MUC21: variants seen among roughly 807,000 people sequenced by gnomAD.
MUC21 encodes the protein mucin-21.
In MUC21, 8 loss-of-function variants were observed where a neutral mutation model predicts 9.1. That is an observed-to-expected ratio of 0.88 (90% CI 0.52 to 1.59). The LOEUF is 1.59. Among genes scored for constraint, MUC21 ranks in the 40% most tolerant of loss-of-function variants. The probability of loss-of-function intolerance (pLI) is 0.00; values close to 1 mark genes in which losing one functional copy is unlikely to be tolerated. For missense variants in MUC21, 478 were observed against 694.2 expected (o/e 0.69, Z 3.50); for synonymous variants, 189 against 275.2 (o/e 0.69, Z 3.10).
Position 30,986,452 on chromosome 6 carries a change from T to A in MUC21, c.277T>A (p.Ser93Thr), listed in dbSNP as rs2150685474. ...CAGTGGGATCAGCACAGCCACCAAC[T>A]CTGAGTTCAGCACAGTGTCCAGTGG... is the stretch of plus-strand genomic sequence containing the variant. ...TSSGISTATN[S>T]EFSTVSSGIS... The change falls in exon 2 of 3, where the codon TCT becomes ACT. Residue 93 changes from serine (S) to threonine (T), a missense_variant. Around this residue, in one of 5 missense-constraint regions of MUC21, gnomAD observed 110 missense variants for 108.3 expected, o/e 1.02. Coordinates refer to ENST00000376296, the MANE Select transcript of MUC21 (RefSeq NM_001010909.5). 6.3e-7 allele frequency: 1 copy of A among 1,596,782 alleles called. No individual in the cohort carries two copies. Among genetic ancestry groups the A allele is most frequent in the East Asian group, 2.3e-5 (1 of 44,256 alleles).
intron 2 of MUC21, 78 bp from the exon 3 acceptor site, chr6:30,987,922 A>C (rs1473389488): frequency 1.0e-6 from 1 of 989,284 alleles, no homozygotes; most frequent in African/African-American, 1.6e-5. Flanking sequence ...AAGTGGGAGA[A>C]GATTCCAGAA....
intron 1 of MUC21, among the ~76,000 whole-genome samples, chr6:30,985,601 T>G (rs902963809): frequency 1.3e-5 from 2 of 152,250 alleles, no homozygotes; most frequent in African/African-American, 4.8e-5. Flanking sequence ...CTGTATTGTA[T>G]CTTGCATAGC....
rs1762485328 is a variant in MUC21 at position 30,988,487 on chromosome 6, A to C, written c.*293A>C. The stretch of plus-strand genomic sequence containing the variant: ...CTGAGATGAACTCAGTTATAGGAGA[A>C]AACCTCCATGCTGGACTCCATCTGG... On this transcript the variant is annotated 3_prime_UTR_variant, in exon 3 of 3. Transcript: ENST00000376296. 1 of 368,398 alleles carries C rather than the reference A, an allele frequency of 2.7e-6. No individual in the cohort carries two copies. Among genetic ancestry groups the C allele is most frequent in the Admixed American group, 4.5e-5 (1 of 22,242 alleles). 22.8% of individuals were successfully genotyped at this position (368,398 alleles called of 1,614,324 possible).
Position 30,988,114 on chromosome 6 carries a change from AG to A in MUC21, c.1623del (p.Arg541SerfsTer15), listed in dbSNP as rs896790057. Reference sequence around the variant, plus strand: ...GAATCATGGAGCCCCCCACAGGCCCAGGTGGAGTCCTAACTGGTTCTGGAGG... The same window carrying A: ...GAATCATGGAGCCCCCCACAGGCCCAGTGGAGTCCTAACTGGTTCTGGAGG... ...GGNHGAPHRP[R>X]WSPNWFWRRP... On this transcript the variant is annotated frameshift_variant, in exon 3 of 3. Coordinates refer to ENST00000376296, the MANE Select transcript of MUC21 (RefSeq NM_001010909.5). LOFTEE classifies it low-confidence loss of function (END_TRUNC). 2 of 1,612,834 alleles carry A rather than the reference AG, an allele frequency of 1.2e-6. No individual in the cohort carries two copies. The highest frequency in any genetic ancestry group is 1.7e-6 in the Non-Finnish European group (2 of 1,179,990).
chr6:30,988,106 A>T lies in MUC21; in HGVS notation c.1613A>T (p.His538Leu). 6.2e-7 allele frequency: 1 copy of T among 1,612,800 alleles called. No homozygotes were observed. The highest frequency in any genetic ancestry group is 8.5e-7 in the Non-Finnish European group (1 of 1,179,850). ...CCTGGAGGGAATCATGGAGCCCCCC[A>T]CAGGCCCAGGTGGAGTCCTAACTGG... Reference protein sequence around the residue: ...PGPGGNHGAPHRPRWSPNWFW... With the variant: ...PGPGGNHGAPLRPRWSPNWFW... Residue 538 changes from histidine (H) to leucine (L), a missense_variant, in exon 3 of 3, where the codon CAC (histidine) becomes CTC (leucine). His to Leu is a moderately conservative substitution (Grantham distance 99, BLOSUM62 -3). Transcript: ENST00000376296.
rs200722869 is a variant in MUC21 at position 30,986,350 on chromosome 6, A to T, written c.175A>T (p.Thr59Ser). 43 of 1,612,014 alleles carry T rather than the reference A, an allele frequency of 2.7e-5. No individual in the cohort carries two copies. The highest frequency in any genetic ancestry group is 3.6e-5 in the Non-Finnish European group (42 of 1,178,968). ...GSSVTSSGVS[T>S]ATISGSSVTS... ...CAGTGTGACCTCCAGTGGGGTCAGC[A>T]CAGCCACCATCTCAGGGTCCAGCGT... The change falls in exon 2 of 3, where the codon ACA (threonine) becomes TCA (serine). Residue 59 changes from threonine to serine, a missense_variant. Around this residue, in one of 5 missense-constraint regions of MUC21, gnomAD observed 110 missense variants for 108.3 expected, o/e 1.02. Coordinates refer to ENST00000376296, the MANE Select transcript of MUC21 (RefSeq NM_001010909.5).
intron 1 of MUC21, chr6:30,984,220 T>C (rs534928038): frequency 3.1e-4 from 164 of 522,320 alleles, no homozygotes; most frequent in Non-Finnish European, 5.3e-4. Flanking sequence ...GGTCTCACAT[T>C]GCCTACATTT....
rs1430467763 is a variant in MUC21, at chr6:30,987,494, C to T, written c.1319C>T (p.Ser440Phe). 1.2e-6 allele frequency: 2 copies of T among 1,614,276 alleles called. No individual in the cohort carries two copies. The highest frequency in any genetic ancestry group is 1.7e-6 in the Non-Finnish European group (2 of 1,180,042). ...GCCAACACAGCCACCAACTCTGGGT[C>T]CAGTGTGACCTCTGCAGGCTCTGGA... ...SGANTATNSG[S>F]SVTSAGSGTA... Residue 440 changes from serine (S) to phenylalanine (F), a missense_variant, in exon 2 of 3, where the codon TCC becomes TTC. This residue lies in a region of MUC21 where 158 missense variants were observed against 192.6 expected (regional missense o/e 0.82). Coordinates refer to ENST00000376296, the MANE Select transcript of MUC21 (RefSeq NM_001010909.5).
At position 30,986,747 on chromosome 6, in the gene MUC21, G is replaced by A; in HGVS notation, c.572G>A (p.Arg191Lys). The change falls in exon 2 of 3, where the codon AGG (arginine) becomes AAG (lysine). Residue 191 changes from arginine (R) to lysine (K), a missense_variant. This residue lies in a region of MUC21 where 53 missense variants were observed against 139.1 expected (regional missense o/e 0.38). Transcript: ENST00000376296. The part of the protein sequence containing the change: ...TNSESSTVSS[R>K]ASTATNSESS... ...TCTGAGTCCAGCACAGTGTCCAGTAGGGCCAGCACTGCCACCAACTCTGAG... is the reference window on the plus strand; with the variant it reads ...TCTGAGTCCAGCACAGTGTCCAGTAAGGCCAGCACTGCCACCAACTCTGAG... 6.3e-7 allele frequency: 1 copy of A among 1,578,914 alleles called. No homozygotes were observed. The highest frequency in any genetic ancestry group is 8.6e-7 in the Non-Finnish European group (1 of 1,159,444).
rs140567533 is a variant in MUC21, at chr6:30,987,648, C to T, written c.1473C>T (p.Ala491=). ...FLITLVSVVA[A]VGLFAGLFFC... The stretch of plus-strand genomic sequence containing the variant: ...TCACCCTGGTCTCGGTTGTGGCGGC[C>T]GTGGGGCTCTTTGCTGGGCTCTTCT... The change falls in exon 2 of 3, where the codon GCC becomes GCT. Residue 491 remains alanine (A), a synonymous_variant. Transcript: ENST00000376296. 20 of 1,613,870 alleles carry T rather than the reference C, an allele frequency of 1.2e-5. No individual in the cohort carries two copies. The highest frequency in any genetic ancestry group is 1.6e-4 in the Middle Eastern group (1 of 6,080).
In MUC21 at chr6:30,986,338, A is replaced by G; in HGVS notation, c.163A>G (p.Ser55Gly). The G allele has an allele frequency of 6.2e-7, 1 of 1,613,138 alleles. No individual in the cohort carries two copies. The highest frequency in any genetic ancestry group is 1.1e-5 in the South Asian group (1 of 90,996). Residue 55 changes from serine to glycine, a missense_variant, in exon 2 of 3, where the codon AGT (serine) becomes GGT (glycine). This residue lies in a region of MUC21 where 110 missense variants were observed against 108.3 expected (regional missense o/e 1.02). Transcript: ENST00000376296. ...ATNSGSSVTSSGVSTATISGS... is the reference protein window; with the variant it reads ...ATNSGSSVTSGGVSTATISGS... ...CAACTCTGGGTCCAGTGTGACCTCC[A>G]GTGGGGTCAGCACAGCCACCATCTC...
At position 30,987,453 on chromosome 6, in the gene MUC21, C is replaced by G. The variant is rs551900553; in HGVS notation, c.1278C>G (p.Ser426Arg). 1.2e-6 allele frequency: 2 copies of G among 1,608,544 alleles called. No individual in the cohort carries two copies. Among genetic ancestry groups the G allele is most frequent in the East Asian group, 4.5e-5 (2 of 44,434 alleles). ...GCACTGCCACCAATTCTGAGTCCAGCACAACCTCCAGTGGGGCCAACACAG... is the reference window on the plus strand; with the variant it reads ...GCACTGCCACCAATTCTGAGTCCAGGACAACCTCCAGTGGGGCCAACACAG... ...GASTATNSES[S>R]TTSSGANTAT... The change falls in exon 2 of 3, where the codon AGC (serine) becomes AGG (arginine). Residue 426 changes from serine to arginine, a missense_variant. Physicochemically the swap from Ser to Arg is moderately radical, Grantham distance 110. This residue lies in a region of MUC21 where 158 missense variants were observed against 192.6 expected (regional missense o/e 0.82). Coordinates refer to ENST00000376296, the MANE Select transcript of MUC21 (RefSeq NM_001010909.5).
At position 30,987,258 on chromosome 6, in the gene MUC21, C is replaced by T; in HGVS notation, c.1083C>T (p.Thr361=). ...CCTCCAGTGGGGCCAGCACAGCCAC[C>T]AACTCTGGGTCCAGCACGACCTCCA... ...STTSSGASTA[T]NSGSSTTSSG... The change falls in exon 2 of 3, where the codon ACC becomes ACT. Residue 361 remains threonine, a synonymous_variant. Coordinates refer to ENST00000376296, the MANE Select transcript of MUC21 (RefSeq NM_001010909.5). 11 of 1,575,336 alleles carry T rather than the reference C, an allele frequency of 7.0e-6. No homozygotes were observed. Among genetic ancestry groups the T allele is most frequent in the Non-Finnish European group, 9.5e-6 (11 of 1,154,238 alleles).
rs775146195 is a variant in MUC21 at position 30,987,057 on chromosome 6, C to T, written c.882C>T (p.Ser294=). 6.2e-6 allele frequency: 10 copies of T among 1,605,140 alleles called. No homozygotes were observed. Reference sequence around the variant, plus strand: ...CCAATTCTGAGTCCAGCACACCCTCCAGTGGGGCCAACACAGCCACCAACT... The same window carrying T: ...CCAATTCTGAGTCCAGCACACCCTCTAGTGGGGCCAACACAGCCACCAACT... ...TVTNSESSTP[S]SGANTATNSE... is the part of the protein sequence containing the mutation. Residue 294 remains serine, a synonymous_variant, in exon 2 of 3, where the codon TCC becomes TCT. Coordinates refer to ENST00000376296, the MANE Select transcript of MUC21 (RefSeq NM_001010909.5).
intron 1 of MUC21, among the ~76,000 whole-genome samples, chr6:30,984,996 C>CAACAA (rs1554283959): frequency 7.0e-6 from 1 of 142,814 alleles, no homozygotes; most frequent in Non-Finnish European, 1.5e-5. Flanking sequence ...AATAAATAAG[C>CAACAA]AATAAAATAA....
At chr6:30,986,084 C>G (rs1762231345) in intron 1 of MUC21, 153 bp from the exon 2 acceptor site, 2 of 787,450 alleles carry the variant, frequency 2.5e-6, no homozygotes, top group South Asian at 1.9e-5. Context: ...CATTTTGAAG[C>G]CTCAATTTCT....
intron 2 of MUC21, 121 bp from the exon 3 acceptor site, chr6:30,987,879 G>A: frequency 1.8e-6 from 2 of 1,089,162 alleles, no homozygotes; most frequent in Non-Finnish European, 2.7e-6. Flanking sequence ...GAAAGGACTG[G>A]AGAAAGGAGA....
chr6:30,984,024 G>A lies in MUC21; in HGVS notation c.61+5G>A, dbSNP rs771022051. ...TACTATTGCATTTAGAAGCTGGTGA[G>A]TGATTTTATTTAAAATCGGGTGGTC... On this transcript the variant is annotated splice_donor_5th_base_variant and intron_variant, in intron 1 of 2. Coordinates refer to ENST00000376296, the MANE Select transcript of MUC21 (RefSeq NM_001010909.5). 7 of 779,670 alleles carry A rather than the reference G, an allele frequency of 9.0e-6. No homozygotes were observed. In the South Asian group the frequency reaches 9.4e-5, roughly 10 times the overall value. The allele number at this position is 779,670 out of a possible 1,614,324, so 48.3% of individuals were successfully genotyped here.
At chr6:30,985,785 A>AT (rs895220421) in intron 1 of MUC21, among the ~76,000 whole-genome samples, 3 of 151,746 alleles carry the variant, frequency 2.0e-5, no homozygotes, top group African/African-American at 7.3e-5. Context: ...ACTTTTTTTT[A>AT]TTTTTTATTT....
Sources: gnomAD v4.1 joint callset for allele counts (sites outside exome capture counted in the v4.1 genomes callset) on GRCh38, gnomAD v4.1.1 for gene constraint, gnomAD v4.1.1 regional missense constraint, MANE v1.5 for transcripts, NCBI Gene and HGNC (gene_info 2026-07-23, HGNC 2026-07-21) for gene names.